The following FNDC3B variants were observed in gnomAD, a reference collection of about 807,000 sequenced individuals.
FNDC3B encodes fibronectin type III domain-containing protein 3B.
Under a neutral mutation model 151.5 loss-of-function variants are expected in FNDC3B, and 12 were observed. The observed-to-expected ratio is 0.08, with a 90% CI of 0.05 to 0.13. The LOEUF is 0.13. Among genes scored for constraint, FNDC3B ranks in the 10% least tolerant of loss-of-function variants. The probability of loss-of-function intolerance (pLI) is 1.00; values close to 1 mark genes in which losing one functional copy is unlikely to be tolerated. For missense variants in FNDC3B, 1,214 were observed against 1,505.3 expected, an observed-to-expected ratio of 0.81 and a Z score of 3.20; for synonymous variants, 528 against 549.0, an observed-to-expected ratio of 0.96 and a Z score of 0.54.
chr3:172,342,959 T>C, intron 17 of FNDC3B, 52 bp from the exon 18 acceptor site: 2 of 1,138,698 alleles, frequency 1.8e-6, no homozygotes, highest in Non-Finnish European at 1.3e-6. Flanking sequence ...TGTAGAGGTC[T>C]GATAAATTCA....
chr3:172,361,492 C>T (rs796179450), intron 22 of FNDC3B, among the ~76,000 whole-genome samples: 8 of 152,278 alleles, frequency 5.3e-5, no homozygotes, highest in East Asian at 1.9e-4. Flanking sequence ...GACATGGAAA[C>T]AATGCAGCCA....
intron 1 of FNDC3B, among the ~76,000 whole-genome samples, chr3:172,055,643 C>T (rs762929562): frequency 2.0e-5 from 3 of 152,050 alleles, no homozygotes; most frequent in Non-Finnish European, 2.9e-5. Context: ...AAGTGTTTGC[C>T]ATTAACGTTC....
chr3:172,346,251 G>C (rs1043433173), intron 19 of FNDC3B, 76 bp from the exon 20 acceptor site: 1 of 758,282 alleles, frequency 1.3e-6, no homozygotes, highest in Non-Finnish European at 2.2e-6. Flanking sequence ...TTGGTTATAA[G>C]CTTTTGTATG....
intron 3 of FNDC3B, among the ~76,000 whole-genome samples, chr3:172,188,256 A>G (rs934023343): frequency 1.4e-4 from 22 of 152,106 alleles, no homozygotes; most frequent in African/African-American, 5.3e-4. Context: ...CGGCCTCCCA[A>G]AGTGCTGGGA....
intron 21 of FNDC3B, among the ~76,000 whole-genome samples, chr3:172,348,305 A>C (rs1169442571): frequency 6.6e-6 from 1 of 152,268 alleles, no homozygotes; most frequent in Non-Finnish European, 1.5e-5. Context: ...TTCGCTTCAT[A>C]ACTTAATTTT....
chr3:172,054,581 A>T (rs1433034651), intron 1 of FNDC3B, among the ~76,000 whole-genome samples: 3 of 152,216 alleles, frequency 2.0e-5, no homozygotes, highest in Non-Finnish European at 2.9e-5. Context: ...TCACAGGAAT[A>T]TTCCTCGTGG....
intron 1 of FNDC3B, among the ~76,000 whole-genome samples, chr3:172,079,355 T>C (rs1330574132): frequency 6.6e-6 from 1 of 152,180 alleles, no homozygotes; most frequent in Non-Finnish European, 1.5e-5. Context: ...TCTCCAAAGA[T>C]GGAGTTTGGC....
chr3:172,087,614 G>C lies in FNDC3B; in HGVS notation c.-28-24838G>C, dbSNP rs1718614461. On this transcript the variant is annotated intron_variant, in intron 1 of 25. Transcript: ENST00000415807. ...AGGGATGGAATAGATAATCTCAGAG[G>C]TGCTGCTGATTAAAAAAAATTTTTT... Among the ~76,000 whole-genome samples the C allele has an allele frequency of 3.9e-5, 6 of 152,150 alleles. No homozygotes were observed. The South Asian group carries it at 1.0e-3, about 26-fold the overall frequency.
chr3:172,267,026 T>G (rs1728955728), intron 6 of FNDC3B, among the ~76,000 whole-genome samples: 1 of 152,214 alleles, frequency 6.6e-6, no homozygotes, highest in African/African-American at 2.4e-5. Context: ...TTTAGTGAGC[T>G]GCAGTTAATT....
chr3:172,243,583 A>G (rs1727612167), intron 4 of FNDC3B, among the ~76,000 whole-genome samples: 1 of 152,190 alleles, frequency 6.6e-6, no homozygotes, highest in African/African-American at 2.4e-5. Context: ...ACTTGCCTTC[A>G]TGATTCAATT....
intron 23 of FNDC3B, among the ~76,000 whole-genome samples, chr3:172,366,693 C>G (rs1233817077): frequency 7.2e-5 from 11 of 152,098 alleles, no homozygotes; most frequent in Non-Finnish European, 1.3e-4. Flanking sequence ...GACACATGCA[C>G]AAGGTATAGA....
chr3:172,379,981 C>T (rs981272758), intron 24 of FNDC3B, among the ~76,000 whole-genome samples: 4 of 152,086 alleles, frequency 2.6e-5, no homozygotes, highest in Admixed American at 1.3e-4. Flanking sequence ...AGCTGGAGGA[C>T]AGTTTAATCT....
chr3:172,335,014 G>A lies in FNDC3B; in HGVS notation c.1712G>A (p.Arg571Lys), dbSNP rs536396727. ...EVLVCTTSPD[R>K]PGPPTRPLVK... ...CTTGTTTGTACGACGAGTCCTGACAGGCCTGGACCTCCTACCAGACCGCTT... is the reference window on the plus strand; with the variant it reads ...CTTGTTTGTACGACGAGTCCTGACAAGCCTGGACCTCCTACCAGACCGCTT... Residue 571 changes from arginine to lysine, a missense_variant, in exon 15 of 26, where the codon AGG becomes AAG. Physicochemically the swap from Arg to Lys is conservative, Grantham distance 26. Around this residue, in one of 7 missense-constraint regions of FNDC3B, gnomAD observed 380 missense variants for 420.9 expected, o/e 0.90. Coordinates refer to ENST00000415807, the MANE Select transcript of FNDC3B (RefSeq NM_022763.4). The A allele has an allele frequency of 1.0e-4, 165 of 1,613,754 alleles. 1 individual carries two copies. The South Asian group carries it at 1.7e-3, about 17-fold the overall frequency.
chr3:172,140,971 T>C (rs1176568739), intron 3 of FNDC3B, among the ~76,000 whole-genome samples: 1 of 152,208 alleles, frequency 6.6e-6, no homozygotes, highest in Non-Finnish European at 1.5e-5. Context: ...TACAGCTCTG[T>C]AGTGTGAATC....
chr3:172,161,988 T>TC (rs1722800071), intron 3 of FNDC3B, among the ~76,000 whole-genome samples: 1 of 144,078 alleles, frequency 6.9e-6, no homozygotes. Context: ...TTTTTTTTTT[T>TC]TGGGGGGGGA....
At chr3:172,373,520 T>C (rs945959926) in intron 23 of FNDC3B, among the ~76,000 whole-genome samples, 1 of 152,246 alleles carries the variant, frequency 6.6e-6, no homozygotes, top group African/African-American at 2.4e-5. Context: ...TTAAAATGTG[T>C]AGTCTTCAAT....
intron 4 of FNDC3B, among the ~76,000 whole-genome samples, chr3:172,227,940 A>C (rs1217359864): frequency 1.3e-5 from 2 of 152,222 alleles, no homozygotes; most frequent in African/African-American, 4.8e-5. Flanking sequence ...AAAGTTGCTG[A>C]AGCGGAGGCA....
At chr3:172,298,820 G>A in intron 9 of FNDC3B, 33 bp downstream of exon 9, 4 of 1,526,714 alleles carry the variant, frequency 2.6e-6, no homozygotes, top group Non-Finnish European at 3.6e-6. Flanking sequence ...AACTGTATTG[G>A]AGAATCCAGG....
chr3:172,192,276 G>C (rs190285658), intron 3 of FNDC3B, among the ~76,000 whole-genome samples: 2 of 150,836 alleles, frequency 1.3e-5, no homozygotes, highest in Non-Finnish European at 3.0e-5. Flanking sequence ...TGGTACAAGC[G>C]ATTCTCCTGC....
Sources: gnomAD v4.1 joint callset for allele counts (sites outside exome capture counted in the v4.1 genomes callset) on GRCh38, gnomAD v4.1.1 for gene constraint, gnomAD v4.1.1 regional missense constraint, MANE v1.5 for transcripts, NCBI Gene and HGNC (gene_info 2026-07-23, HGNC 2026-07-21) for gene names.